ART5: variants seen among roughly 807,000 people sequenced by gnomAD.
ART5 encodes ecto-ADP-ribosyltransferase 5.
A neutral mutation model predicts 25.0 loss-of-function variants in ART5; 22 were observed. The ratio of observed to expected loss-of-function variants is 0.88; its 90% CI spans 0.63 to 1.26. The LOEUF is 1.26. Ranked by LOEUF, ART5 falls within the 50% of genes most tolerant of loss-of-function variation. The pLI is 0.00. For missense variants in ART5, 402 were observed against 372.8 expected (o/e 1.08, Z -0.64); for synonymous variants, 161 against 154.8 (o/e 1.04, Z -0.30).
At position 3,641,889 on chromosome 11, in the gene ART5, G is replaced by A; in HGVS notation, c.-27C>T. ...CCTGGAGGAGACGTGAGGGCCAGGG[G>A]TCCGGGTGAGGGCGGGACCAGAGGT... On this transcript the variant is annotated 5_prime_UTR_variant, in exon 1 of 4. Transcript: ENST00000397068. 2 of 1,556,612 alleles carry A rather than the reference G, an allele frequency of 1.3e-6. No homozygotes were observed. The highest frequency in any genetic ancestry group is 1.2e-5 in the South Asian group (1 of 84,854).
In ART5 at chr11:3,639,845, C is replaced by A. The variant is rs144895632; in HGVS notation, c.584G>T (p.Gly195Val). The A allele has an allele frequency of 8.5e-5, 137 of 1,614,176 alleles. No homozygotes were observed. The African/African-American group carries it at 1.7e-3, about 20-fold the overall frequency. Residue 195 changes from glycine (G) to valine (V), a missense_variant, in exon 2 of 4, where the codon GGT becomes GTT. Gly to Val is a moderately radical substitution (Grantham distance 109, BLOSUM62 -3). Transcript: ENST00000397068. ...TGTTAGAGAGAAGAGGGTGGCATTA[C>A]CAAATCTGTGGGCCACTGCCTTATC... Reference protein sequence around the residue: ...SLDKAVAHRFGNATLFSLTTC... With the variant: ...SLDKAVAHRFVNATLFSLTTC...
chr11:3,642,112 G>C, upstream of ART5: 1 of 1,363,678 alleles, frequency 7.3e-7, no homozygotes, highest in African/African-American at 1.5e-5. Context: ...ACCTTTCCGA[G>C]ACTGTAAAGG....
upstream of ART5, chr11:3,642,053 C>T: frequency 7.1e-6 from 10 of 1,418,268 alleles, no homozygotes; most frequent in Non-Finnish European, 9.2e-6. Flanking sequence ...CGCCCCAAGT[C>T]TCCGCCCCCG....
intron 2 of ART5, 85 bp downstream of exon 2, chr11:3,639,557 C>T (rs931291548): frequency 2.6e-5 from 39 of 1,504,922 alleles, no homozygotes; most frequent in African/African-American, 2.2e-4. Flanking sequence ...GTGGGTCTCC[C>T]GAAGGCCCCG....
chr11:3,641,302 G>A (rs527457371), intron 1 of ART5, among the ~76,000 whole-genome samples: 3 of 152,304 alleles, frequency 2.0e-5, no homozygotes, highest in Non-Finnish European at 4.4e-5. Context: ...CACACAGCCA[G>A]TGTCCAGCTG....
rs527260700 is a variant in ART5, at chr11:3,640,177, C to T, written c.252G>A (p.Leu84=). 5.6e-6 allele frequency: 9 copies of T among 1,613,958 alleles called. No homozygotes were observed. Among genetic ancestry groups the T allele is most frequent in the South Asian group, 1.1e-5 (1 of 91,092 alleles). ...CATTCTGGGCTTTGAAGCCAGGGGG[C>T]AAGGTAAGCCCTCGACGCTTGTCCT... ...TWEDKRRGLT[L]PPGFKAQNGI... Residue 84 remains leucine, a synonymous_variant, in exon 2 of 4, where the codon TTG becomes TTA. Coordinates refer to ENST00000397068, the MANE Select transcript of ART5 (RefSeq NM_053017.5).
upstream of ART5, chr11:3,642,223 T>C (rs2077415135): frequency 2.6e-6 from 3 of 1,148,256 alleles, no homozygotes; most frequent in Non-Finnish European, 2.2e-6. Context: ...CCGAGGGCTC[T>C]GGCGGGCGCT....
chr11:3,638,852 G>A (rs1307127819), intron 3 of ART5, 59 bp from the exon 4 acceptor site: 1 of 1,613,888 alleles, frequency 6.2e-7, no homozygotes, highest in African/African-American at 1.3e-5. Context: ...ACTCTCCAGG[G>A]GCCAAGAGCA....
chr11:3,641,992 TAGG>T, upstream of ART5: 1 of 1,373,168 alleles, frequency 7.3e-7, no homozygotes, highest in South Asian at 1.4e-5. Context: ...GGTCCAGGAT[TAGG>T]GCCCCGGCGG....
Position 3,640,020 on chromosome 11 carries a change from G to A in ART5, c.409C>T (p.Leu137=), listed in dbSNP as rs758082696. 4 of 1,614,050 alleles carry A rather than the reference G, an allele frequency of 2.5e-6. No individual in the cohort carries two copies. In the South Asian group the frequency reaches 3.3e-5, roughly 13 times the overall value. Residue 137 remains leucine (L), a synonymous_variant, in exon 2 of 4, where the codon CTG becomes TTG. Transcript: ENST00000397068. ...CGCAGCAGCTGCAGGGCCCGGATCA[G>A]GTAGAAATGCAGGGCCTTGAAGGGA... The part of the protein sequence containing the change: ...HFPFKALHFY[L]IRALQLLRGS...
chr11:3,639,943 C>A lies in ART5; in HGVS notation c.486G>T (p.Val162=). 6.2e-7 allele frequency: 1 copy of A among 1,614,174 alleles called. No homozygotes were observed. Residue 162 remains valine (V), a synonymous_variant, in exon 2 of 4, where the codon GTG becomes GTT. Coordinates refer to ENST00000397068, the MANE Select transcript of ART5 (RefSeq NM_053017.5). The stretch of plus-strand genomic sequence containing the variant: ...TCTTGGGTTCAAAGCGAAGGCTGCC[C>A]ACACCTCGGAACACCACCTCCCCAG... ...RGPGEVVFRG[V]GSLRFEPKRL...
At chr11:3,639,586 C>A (rs905094882) in intron 2 of ART5, 56 bp downstream of exon 2, 62 of 1,542,682 alleles carry the variant, frequency 4.0e-5, no homozygotes, top group Non-Finnish European at 5.4e-5. Flanking sequence ...TGTGTAAGGA[C>A]ATCCTGGCTT....
At position 3,638,622 on chromosome 11, in the gene ART5, C is replaced by T; in HGVS notation, c.*116G>A. 1.5e-6 allele frequency: 2 copies of T among 1,298,332 alleles called. No individual in the cohort carries two copies. Among genetic ancestry groups the T allele is most frequent in the Non-Finnish European group, 2.2e-6 (2 of 904,032 alleles). The allele number at this position is 1,298,332 out of a possible 1,614,324, so 80.4% of individuals were successfully genotyped here. Reference sequence around the variant, plus strand: ...GCCTCAGTACTTTCCTTGCTTGTCCCAGGAAGTCCCCATCACATAGCAGAG... The same window carrying T: ...GCCTCAGTACTTTCCTTGCTTGTCCTAGGAAGTCCCCATCACATAGCAGAG... On this transcript the variant is annotated 3_prime_UTR_variant, in exon 4 of 4. Coordinates refer to ENST00000397068, the MANE Select transcript of ART5 (RefSeq NM_053017.5).
In ART5 at chr11:3,638,801, G is replaced by A. The variant is rs1183406535; in HGVS notation, c.821-8C>T. ...CACCCGTTCCCAGGGCTCCTAAGTG[G>A]CAGATGTTGGACTTTCAGGGCCCAA... On this transcript the variant is annotated splice_polypyrimidine_tract_variant and splice_region_variant and intron_variant, in intron 3 of 3. Transcript: ENST00000397068. The A allele has an allele frequency of 3.1e-6, 5 of 1,614,024 alleles. No homozygotes were observed. Among genetic ancestry groups the A allele is most frequent in the East Asian group, 2.2e-5 (1 of 44,882 alleles).
intron 2 of ART5, 81 bp from the exon 3 acceptor site, chr11:3,639,116 CAT>C: frequency 7.0e-7 from 1 of 1,433,644 alleles, no homozygotes; most frequent in Non-Finnish European, 9.5e-7. Flanking sequence ...CTGGCAGGGC[CAT>C]TTCCCTTCTC....
rs149194945 is a variant in ART5 at position 3,640,781 on chromosome 11, G to A, written c.58-410C>T. On this transcript the variant is annotated intron_variant, in intron 1 of 3. Coordinates refer to ENST00000397068, the MANE Select transcript of ART5 (RefSeq NM_053017.5). Reference sequence around the variant, plus strand: ...CTTTGAGACGAAGTCTCGCTCTGTTGCCCAGGCCGGAGTACAATGGCACGA... The same window carrying A: ...CTTTGAGACGAAGTCTCGCTCTGTTACCCAGGCCGGAGTACAATGGCACGA... Among the ~76,000 whole-genome samples, 759 of 152,242 alleles carry A rather than the reference G, an allele frequency of 5.0e-3. 1 individual carries two copies. The highest frequency in any genetic ancestry group is 1.0e-2 in the South Asian group (48 of 4,824).
In ART5 at chr11:3,640,346, A is replaced by T. The variant is rs1297136363; in HGVS notation, c.83T>A (p.Leu28Gln). The change falls in exon 2 of 4, where the codon CTG (leucine) becomes CAG (glutamine). Residue 28 changes from leucine (L) to glutamine (Q), a missense_variant. Coordinates refer to ENST00000397068, the MANE Select transcript of ART5 (RefSeq NM_053017.5). ...GTCAAAGGTGTCTGGAGCCAGGCCC[A>T]GGGGCAGGATGGGAACAGCCTGGGC... Reference protein sequence around the residue: ...WQAQAVPILPLGLAPDTFDDT... With the variant: ...WQAQAVPILPQGLAPDTFDDT... The T allele has an allele frequency of 5.5e-6, 8 of 1,466,692 alleles. No individual in the cohort carries two copies. Among genetic ancestry groups the T allele is most frequent in the Middle Eastern group, 3.5e-4 (2 of 5,758 alleles). 90.9% of individuals were successfully genotyped at this position (1,466,692 alleles called of 1,614,324 possible).
intron 1 of ART5, 125 bp downstream of exon 1, chr11:3,641,681 T>G: frequency 6.8e-7 from 1 of 1,476,532 alleles, no homozygotes; most frequent in East Asian, 2.5e-5. Context: ...AGGAAGAGAG[T>G]TAAGAGTGGA....
In ART5 at chr11:3,641,797, T is replaced by C. The variant is rs1235197519; in HGVS notation, c.57+9A>G. 5.1e-6 allele frequency: 8 copies of C among 1,573,646 alleles called. No homozygotes were observed. In the South Asian group the frequency reaches 8.2e-5, roughly 16 times the overall value. ...CCCCTTGGGGCTAGGAGATGGTTCC[T>C]GGAGTTACCTGCCAGGTGTGGAGGC... On this transcript the variant is annotated intron_variant, in intron 1 of 3. Transcript: ENST00000397068.
Sources: gnomAD v4.1 joint callset for allele counts (sites outside exome capture counted in the v4.1 genomes callset) on GRCh38, gnomAD v4.1.1 for gene constraint, MANE v1.5 for transcripts, NCBI Gene and HGNC (gene_info 2026-07-23, HGNC 2026-07-21) for gene names.